PPFIA2: variants seen among roughly 807,000 people sequenced by gnomAD.
PPFIA2 encodes the protein PPFI scaffold protein A2, also known as liprin-alpha-2.
In PPFIA2, 46 loss-of-function variants were observed where a neutral mutation model predicts 175.5. The observed-to-expected ratio is 0.26, with a 90% CI of 0.21 to 0.34. The LOEUF is 0.34. PPFIA2 is among the 10% of genes least tolerant of loss of function. The pLI is 1.00. For synonymous variants in PPFIA2, 568 were observed against 511.4 expected, an observed-to-expected ratio of 1.11 and a Z score of -1.49; for missense variants, 1,179 against 1,506.1, an observed-to-expected ratio of 0.78 and a Z score of 3.60.
At chr12:81,533,586 CTGAA>C (rs1187886079) in intron 4 of PPFIA2, among the ~76,000 whole-genome samples, 3 of 151,434 alleles carry the variant, frequency 2.0e-5, no homozygotes, top group Non-Finnish European at 4.4e-5. Context: ...AAAAATTGCT[CTGAA>C]TAAGAAATAG....
In PPFIA2 at chr12:81,712,149, T is replaced by A. The variant is rs565482345; in HGVS notation, c.250-35305A>T. ...GTAAAACAACTTAGCACCACTTTTTTAAAAAGGCATTAATTCAATAACTAC... is the reference window on the plus strand; with the variant it reads ...GTAAAACAACTTAGCACCACTTTTTAAAAAAGGCATTAATTCAATAACTAC... On this transcript the variant is annotated intron_variant, in intron 3 of 32. Coordinates refer to ENST00000549396, the MANE Select transcript of PPFIA2 (RefSeq NM_003625.5). 7.9e-5 allele frequency among the ~76,000 whole-genome samples: 12 copies of A among 151,446 alleles called. 1 individual carries two copies. The East Asian group carries it at 8.0e-4, about 10-fold the overall frequency.
intron 7 of PPFIA2, among the ~76,000 whole-genome samples, chr12:81,411,542 T>C (rs1251528917): frequency 6.6e-6 from 1 of 152,126 alleles, no homozygotes; most frequent in Non-Finnish European, 1.5e-5. Flanking sequence ...ACTGGTAGTC[T>C]TGGCGGCTGG....
intron 4 of PPFIA2, chr12:81,546,094 A>T (rs2066940321): frequency 6.9e-6 from 1 of 145,396 alleles, no homozygotes. Flanking sequence ...ACTGCACTCC[A>T]GCCTGGGCAA....
intron 16 of PPFIA2, among the ~76,000 whole-genome samples, chr12:81,353,580 T>C (rs1040693831): frequency 2.0e-5 from 3 of 152,198 alleles, no homozygotes; most frequent in African/African-American, 7.2e-5. Context: ...TAAACTTCTA[T>C]ATGTTTTATA....
At chr12:81,329,552 T>G (rs1012139648) in intron 21 of PPFIA2, among the ~76,000 whole-genome samples, 14 of 152,104 alleles carry the variant, frequency 9.2e-5, no homozygotes, top group Admixed American at 2.0e-4. Flanking sequence ...GATCTACTGA[T>G]TCAATCTCAT....
chr12:81,548,608 T>C (rs1220736227), intron 4 of PPFIA2, among the ~76,000 whole-genome samples: 1 of 152,086 alleles, frequency 6.6e-6, no homozygotes, highest in Non-Finnish European at 1.5e-5. Context: ...GGTGGAACTA[T>C]AGACATGCAC....
Position 81,325,666 on chromosome 12 carries a change from T to C in PPFIA2, c.2642+111A>G, listed in dbSNP as rs1304573849. The C allele has an allele frequency of 1.7e-5, 12 of 711,906 alleles. No individual in the cohort carries two copies. In the East Asian group the frequency reaches 2.2e-4, roughly 13 times the overall value. The allele number at this position is 711,906 out of a possible 1,614,324, so 44.1% of individuals were successfully genotyped here. A position where few individuals can be genotyped will look rare whatever the true frequency, so the allele number is the denominator to read the frequency against. On this transcript the variant is annotated intron_variant, in intron 22 of 32. Coordinates refer to ENST00000549396, the MANE Select transcript of PPFIA2 (RefSeq NM_003625.5). Reference sequence around the variant, plus strand: ...TGTTTTAGGTAGTATCTGGAAAATATTGGCTTCAATATAGTTCTTTTGTTT... The same window carrying C: ...TGTTTTAGGTAGTATCTGGAAAATACTGGCTTCAATATAGTTCTTTTGTTT...
At chr12:81,416,880 T>C (rs2045371948) in intron 7 of PPFIA2, among the ~76,000 whole-genome samples, 1 of 151,736 alleles carries the variant, frequency 6.6e-6, no homozygotes, top group Admixed American at 6.6e-5. Context: ...AATAATCCAA[T>C]GTGTGTGTAC....
chr12:81,464,204 T>C (rs1449139257), intron 4 of PPFIA2, among the ~76,000 whole-genome samples: 2 of 152,102 alleles, frequency 1.3e-5, no homozygotes, highest in Non-Finnish European at 1.5e-5. Context: ...ATTACAGGTG[T>C]AAGCCACTGA....
At chr12:81,342,007 A>C (rs1429920164) in intron 19 of PPFIA2, among the ~76,000 whole-genome samples, 1 of 152,116 alleles carries the variant, frequency 6.6e-6, no homozygotes, top group Admixed American at 6.6e-5. Flanking sequence ...TTTAAAGAGA[A>C]TAATAAAAGG....
At chr12:81,736,519 G>A (rs2081597481) in intron 3 of PPFIA2, among the ~76,000 whole-genome samples, 1 of 151,980 alleles carries the variant, frequency 6.6e-6, no homozygotes, top group African/African-American at 2.4e-5. Context: ...AGTCAGATTT[G>A]TATTTTAAAC....
intron 5 of PPFIA2, among the ~76,000 whole-genome samples, chr12:81,449,760 G>T (rs1250243994): frequency 6.6e-6 from 1 of 151,570 alleles, no homozygotes; most frequent in Non-Finnish European, 1.5e-5. Flanking sequence ...TTTACATTAG[G>T]TATATCTCCT....
intron 9 of PPFIA2, among the ~76,000 whole-genome samples, chr12:81,381,945 G>T (rs1359863309): frequency 6.6e-6 from 1 of 151,910 alleles, no homozygotes; most frequent in African/African-American, 2.4e-5. Flanking sequence ...AGCTGCGCAG[G>T]TTCTCTGAAG....
rs556943063 is a variant in PPFIA2 at position 81,399,691 on chromosome 12, C to T, written c.762+6096G>A. 5.3e-5 allele frequency among the ~76,000 whole-genome samples: 8 copies of T among 152,198 alleles called. No homozygotes were observed. In the South Asian group the frequency reaches 1.7e-3, roughly 32 times the overall value. On this transcript the variant is annotated intron_variant, in intron 8 of 32. Transcript: ENST00000549396. ...AGTCCAGCCCATGTATATCTTTAGA[C>T]CTGCTCTTTCCAAGTTGGCAAATTC...
chr12:81,583,569 T>G (rs1201208169), intron 4 of PPFIA2, among the ~76,000 whole-genome samples: 1 of 151,914 alleles, frequency 6.6e-6, no homozygotes, highest in Non-Finnish European at 1.5e-5. Flanking sequence ...TTAAAACAAA[T>G]TGGCCATTGC....
chr12:81,637,111 C>G (rs1394132773), intron 4 of PPFIA2, among the ~76,000 whole-genome samples: 3 of 150,350 alleles, frequency 2.0e-5, no homozygotes, highest in African/African-American at 7.4e-5. Flanking sequence ...CTCTTGTTGC[C>G]CAGGCTGGAG....
In PPFIA2 at chr12:81,670,034, T is replaced by C. The variant is rs187664507; in HGVS notation, c.303+6757A>G. ...TGAAGACAAAGCCGAATTATGACTTTAAGTGTTTGGCTTTTGAGAAGGGTA... is the reference window on the plus strand; with the variant it reads ...TGAAGACAAAGCCGAATTATGACTTCAAGTGTTTGGCTTTTGAGAAGGGTA... On this transcript the variant is annotated intron_variant, in intron 4 of 32. Transcript: ENST00000549396. Among the ~76,000 whole-genome samples, 93 of 152,138 alleles carry C rather than the reference T, an allele frequency of 6.1e-4. No individual in the cohort carries two copies. In the East Asian group the frequency reaches 7.6e-3, roughly 12 times the overall value.
chr12:81,598,239 T>C, intron 4 of PPFIA2: 1 of 1,351,514 alleles, frequency 7.4e-7, no homozygotes, highest in South Asian at 1.9e-5. Context: ...CACCGACCTT[T>C]TGTGAAGCTA....
At chr12:81,397,631 A>G (rs2041372540) in intron 8 of PPFIA2, among the ~76,000 whole-genome samples, 2 of 152,016 alleles carry the variant, frequency 1.3e-5, no homozygotes, top group Admixed American at 6.6e-5. Flanking sequence ...TGGGGCCAAA[A>G]GATAATTTTT....
Sources: gnomAD v4.1 joint callset for allele counts (sites outside exome capture counted in the v4.1 genomes callset) on GRCh38, gnomAD v4.1.1 for gene constraint, MANE v1.5 for transcripts, NCBI Gene and HGNC (gene_info 2026-07-23, HGNC 2026-07-21) for gene names.